Variants in MTRF1 observed in about 807,000 individuals in gnomAD.
MTRF1 encodes peptide chain release factor 1, mitochondrial.
In MTRF1, 51 loss-of-function variants were observed where a neutral mutation model predicts 62.9. The observed-to-expected ratio is 0.81, with a 90% CI of 0.65 to 1.02. The LOEUF (loss-of-function observed/expected upper bound fraction) is 1.02. Among genes scored for constraint, MTRF1 ranks in the 50% least tolerant of loss-of-function variants. The probability of loss-of-function intolerance (pLI) is 0.00; values close to 1 mark genes in which losing one functional copy is unlikely to be tolerated. For synonymous variants in MTRF1, 158 were observed against 181.9 expected (o/e 0.87, Z 1.06); for missense variants, 446 against 530.0 (o/e 0.84, Z 1.56).
At chr13:41,259,767 G>A (rs903798125) in intron 2 of MTRF1, among the ~76,000 whole-genome samples, 13 of 151,214 alleles carry the variant, frequency 8.6e-5, no homozygotes, top group African/African-American at 2.4e-4. Flanking sequence ...CCACTAATGC[G>A]CAGTCCCCTC....
At chr13:41,311,466 G>T in the MTRF1 span, 4 of 1,515,754 alleles carry the variant, frequency 2.6e-6, no homozygotes, top group African/African-American at 2.8e-5. Flanking sequence ...GCCCACCCCC[G>T]CGAAGCGGAG....
At chr13:41,256,025 G>A (rs2039665008) in intron 2 of MTRF1, among the ~76,000 whole-genome samples, 1 of 152,174 alleles carries the variant, frequency 6.6e-6, no homozygotes, top group African/African-American at 2.4e-5. Flanking sequence ...TTATTCTCTA[G>A]TCATGGAAGT....
chr13:41,258,510 G>T (rs2040004450), intron 2 of MTRF1, among the ~76,000 whole-genome samples: 1 of 150,818 alleles, frequency 6.6e-6, no homozygotes. Flanking sequence ...TACTCAGAAG[G>T]CTGAGGCAGG....
At chr13:41,271,944 T>C in the MTRF1 span, among the ~76,000 whole-genome samples, 1 of 152,116 alleles carries the variant, frequency 6.6e-6, no homozygotes, top group Non-Finnish European at 1.5e-5. Context: ...TCAGGATCCT[T>C]AAACAACAAC....
rs1302337397 is a variant in MTRF1, at chr13:41,253,004, C to T, written c.534G>A (p.Glu178=). Residue 178 remains glutamate (E), a synonymous_variant, in exon 4 of 10, where the codon GAG becomes GAA. Transcript: ENST00000379480. ...AAATAACATCATTTTTGTCATATTT[C>T]TCCTTTGGCACAAGGCTCTGGAAAA... The part of the protein sequence containing the change: ...NELFQSLVPK[E]KYDKNDVILE... 1 of 1,608,758 alleles carries T rather than the reference C, an allele frequency of 6.2e-7. No individual in the cohort carries two copies. Among genetic ancestry groups the T allele is most frequent in the Non-Finnish European group, 8.5e-7 (1 of 1,178,140 alleles).
the MTRF1 span, among the ~76,000 whole-genome samples, chr13:41,283,828 C>T: frequency 1.6e-3 from 238 of 151,982 alleles, no homozygotes; most frequent in African/African-American, 5.2e-3. Context: ...CCACCCGCCT[C>T]GGCCTCCCAA....
upstream of MTRF1, among the ~76,000 whole-genome samples, chr13:41,268,497 G>A (rs1042086657): frequency 3.9e-5 from 6 of 151,956 alleles, no homozygotes; most frequent in African/African-American, 1.5e-4. Flanking sequence ...AGCAAGCTGA[G>A]ATCACGTCAC....
chr13:41,255,799 T>C (rs2039634727), intron 2 of MTRF1, among the ~76,000 whole-genome samples: 1 of 152,192 alleles, frequency 6.6e-6, no homozygotes, highest in African/African-American at 2.4e-5. Context: ...AGGAGAAAGT[T>C]AAATCATGGA....
chr13:41,307,294 A>T, the MTRF1 span, among the ~76,000 whole-genome samples: 1 of 152,220 alleles, frequency 6.6e-6, no homozygotes, highest in South Asian at 2.1e-4. Context: ...TGCTGTTCTC[A>T]TGATAGTGAG....
the MTRF1 span, among the ~76,000 whole-genome samples, chr13:41,307,715 G>GT: frequency 7.2e-5 from 11 of 151,888 alleles, no homozygotes; most frequent in African/African-American, 2.7e-4. Flanking sequence ...CACCATGATT[G>GT]TAAGTTTCCT....
intron 9 of MTRF1, chr13:41,220,414 C>A: frequency 3.0e-6 from 1 of 337,836 alleles, no homozygotes; most frequent in South Asian, 2.6e-5. Flanking sequence ...GAATATAGAG[C>A]AGGAGATAAG....
the MTRF1 span, among the ~76,000 whole-genome samples, chr13:41,276,013 C>T: frequency 6.6e-6 from 1 of 152,134 alleles, no homozygotes; most frequent in Non-Finnish European, 1.5e-5. Flanking sequence ...GCATTATTAT[C>T]AGTTTTCTAC....
At chr13:41,274,650 G>T in the MTRF1 span, among the ~76,000 whole-genome samples, 16 of 150,514 alleles carry the variant, frequency 1.1e-4, no homozygotes, top group African/African-American at 3.2e-4. Context: ...GAAATATCTT[G>T]ATTTTATTAT....
chr13:41,301,653 C>T, the MTRF1 span, among the ~76,000 whole-genome samples: 3 of 151,736 alleles, frequency 2.0e-5, no homozygotes, highest in Non-Finnish European at 4.4e-5. Flanking sequence ...GAGGCTGAGG[C>T]AAGAGAATCA....
chr13:41,298,396 T>TTTTTTCTC, the MTRF1 span, among the ~76,000 whole-genome samples: 1 of 150,516 alleles, frequency 6.6e-6, no homozygotes, highest in Non-Finnish European at 1.5e-5. Context: ...ATTACGAAGT[T>TTTTTTCTC]ACACTCTCAT....
At chr13:41,232,844 G>A (rs1348549354) in intron 7 of MTRF1, among the ~76,000 whole-genome samples, 1 of 152,168 alleles carries the variant, frequency 6.6e-6, no homozygotes, top group African/African-American at 2.4e-5. Flanking sequence ...TCTCCAGAGA[G>A]CACTGGAGTG....
At chr13:41,226,364 C>A (rs2138729347) in intron 8 of MTRF1, 68 bp downstream of exon 8, 1 of 1,480,870 alleles carries the variant, frequency 6.8e-7, no homozygotes. Flanking sequence ...AGAACAAACA[C>A]TGCATTCTCT....
At chr13:41,263,315 A>G (rs1215796854) in intron 1 of MTRF1, 170 bp downstream of exon 1, 6 of 1,289,270 alleles carry the variant, frequency 4.7e-6, no homozygotes, top group Non-Finnish European at 5.1e-6. Flanking sequence ...TCACAGTAAC[A>G]GTATTACTCT....
rs111955548 is a variant in MTRF1, at chr13:41,240,697, A to G, written c.698-264T>C. Among the ~76,000 whole-genome samples, 503 of 152,368 alleles carry G rather than the reference A, an allele frequency of 3.3e-3. 2 individuals are homozygous for G. Among genetic ancestry groups the G allele is most frequent in the Middle Eastern group, 0.014 (4 of 294 alleles). ...TAATTATAGGAGCTAGTGATGCAACAATAGGAAACATACCAAAATATTATT... is the reference window on the plus strand; with the variant it reads ...TAATTATAGGAGCTAGTGATGCAACGATAGGAAACATACCAAAATATTATT... On this transcript the variant is annotated intron_variant, in intron 5 of 9. Transcript: ENST00000379480.
Sources: allele counts gnomAD v4.1 joint callset (sites outside exome capture counted in the v4.1 genomes callset), GRCh38; gene constraint gnomAD v4.1.1; transcripts MANE v1.5; gene names NCBI Gene and HGNC (gene_info 2026-07-23, HGNC 2026-07-21).